The following IMMP2L variants were observed in gnomAD, a reference collection of about 807,000 sequenced individuals.
IMMP2L encodes the protein mitochondrial inner membrane protease subunit 2.
IMMP2L carries 18 observed loss-of-function variants against 19.3 expected under a neutral mutation model. That is an observed-to-expected ratio of 0.93 (90% CI 0.64 to 1.38). IMMP2L has a LOEUF of 1.38. Among genes scored for constraint, IMMP2L ranks in the 40% most tolerant of loss-of-function variants. The pLI is 0.00. For synonymous variants in IMMP2L, 76 were observed against 73.0 expected (o/e 1.04, Z -0.21); for missense variants, 233 against 218.2 (o/e 1.07, Z -0.43).
chr7:111,002,831 C>T (rs367866430), intron 3 of IMMP2L, among the ~76,000 whole-genome samples: 5 of 152,264 alleles, frequency 3.3e-5, no homozygotes, highest in African/African-American at 9.6e-5. Flanking sequence ...GGAATTACCA[C>T]ACTTGTAGTC....
At chr7:111,515,041 TA>T (rs1845766620) in intron 2 of IMMP2L, among the ~76,000 whole-genome samples, 1 of 152,130 alleles carries the variant, frequency 6.6e-6, no homozygotes, top group African/African-American at 2.4e-5. Flanking sequence ...CTAAAGCCTT[TA>T]AAGTCTAGTT....
intron 3 of IMMP2L, among the ~76,000 whole-genome samples, chr7:111,456,420 C>T (rs1373377435): frequency 1.3e-5 from 2 of 151,746 alleles, no homozygotes; most frequent in Non-Finnish European, 2.9e-5. Context: ...GCTTGTAAAA[C>T]TGCTGTTATT....
intron 3 of IMMP2L, among the ~76,000 whole-genome samples, chr7:111,302,786 T>C (rs1246768822): frequency 6.6e-6 from 1 of 152,020 alleles, no homozygotes; most frequent in African/African-American, 2.4e-5. Flanking sequence ...ATAGTTTAAG[T>C]TCCAAAGAAA....
chr7:111,410,065 G>T (rs563050722), intron 3 of IMMP2L, among the ~76,000 whole-genome samples: 2 of 151,926 alleles, frequency 1.3e-5, no homozygotes, highest in East Asian at 3.9e-4. Context: ...ATTGGCATAA[G>T]AATACTCATG....
chr7:111,439,087 G>A (rs1837468155), intron 3 of IMMP2L, among the ~76,000 whole-genome samples: 1 of 151,748 alleles, frequency 6.6e-6, no homozygotes, highest in African/African-American at 2.4e-5. Flanking sequence ...ACTACACCAG[G>A]GACATACTAC....
At chr7:111,031,110 A>G (rs2129568832) in intron 3 of IMMP2L, among the ~76,000 whole-genome samples, 1 of 151,846 alleles carries the variant, frequency 6.6e-6, no homozygotes, top group African/African-American at 2.4e-5. Flanking sequence ...GATACAGATA[A>G]TTACATATAG....
chr7:111,435,736 C>A (rs1245850134), intron 3 of IMMP2L, among the ~76,000 whole-genome samples: 1 of 151,766 alleles, frequency 6.6e-6, no homozygotes, highest in East Asian at 1.9e-4. Context: ...GGAAAAAAAA[C>A]TATGAGCTAC....
At chr7:111,406,064 G>A (rs1833878458) in intron 3 of IMMP2L, among the ~76,000 whole-genome samples, 1 of 151,974 alleles carries the variant, frequency 6.6e-6, no homozygotes, top group African/African-American at 2.4e-5. Flanking sequence ...CTTCAGTCCT[G>A]ACTCAGATAT....
intron 1 of IMMP2L, among the ~76,000 whole-genome samples, chr7:111,525,109 T>C (rs1359942964): frequency 6.6e-6 from 1 of 152,112 alleles, no homozygotes. Context: ...ATAAGAGTTG[T>C]AATAAGTGCT....
intron 1 of IMMP2L, among the ~76,000 whole-genome samples, chr7:111,525,851 C>T (rs1846787833): frequency 6.6e-6 from 1 of 151,894 alleles, no homozygotes; most frequent in Non-Finnish European, 1.5e-5. Flanking sequence ...TACAATATAC[C>T]AAGGAAGACT....
At chr7:111,447,065 C>A (rs1327491348) in intron 3 of IMMP2L, among the ~76,000 whole-genome samples, 1 of 142,188 alleles carries the variant, frequency 7.0e-6, no homozygotes, top group African/African-American at 2.7e-5. Flanking sequence ...TGTGAAAAGA[C>A]CAAATCTACG....
intron 5 of IMMP2L, among the ~76,000 whole-genome samples, chr7:110,782,847 G>T (rs1179448854): frequency 1.3e-5 from 2 of 151,796 alleles, no homozygotes; most frequent in Non-Finnish European, 2.9e-5. Flanking sequence ...TGTGTCCTTG[G>T]ACTAAGAATA....
intron 3 of IMMP2L, among the ~76,000 whole-genome samples, chr7:111,486,211 G>T (rs1420937131): frequency 6.6e-6 from 1 of 152,118 alleles, no homozygotes; most frequent in Admixed American, 6.5e-5. Context: ...TCACTAACGA[G>T]ATTTGGTTAA....
At chr7:110,704,576 T>C (rs1026586566) in intron 5 of IMMP2L, among the ~76,000 whole-genome samples, 1 of 152,214 alleles carries the variant, frequency 6.6e-6, no homozygotes, top group African/African-American at 2.4e-5. Flanking sequence ...GGTGACAATA[T>C]GGAACATTAG....
At chr7:111,254,317 G>T (rs1347168395) in intron 3 of IMMP2L, among the ~76,000 whole-genome samples, 3 of 151,972 alleles carry the variant, frequency 2.0e-5, no homozygotes, top group African/African-American at 7.2e-5. Context: ...AAAAACTCTG[G>T]AATGATCCTA....
chr7:111,499,602 C>T (rs1843951566), intron 2 of IMMP2L, among the ~76,000 whole-genome samples: 1 of 152,094 alleles, frequency 6.6e-6, no homozygotes, highest in Admixed American at 6.6e-5. Flanking sequence ...AGAAGATAAC[C>T]ATGGATTTTA....
chr7:111,110,263 A>G (rs1486087635), intron 3 of IMMP2L, among the ~76,000 whole-genome samples: 10 of 152,220 alleles, frequency 6.6e-5, no homozygotes, highest in Admixed American at 6.5e-4. Context: ...TCTTTTTCAA[A>G]TCTTTGTTTC....
At chr7:111,401,423 A>G (rs1833412340) in intron 3 of IMMP2L, among the ~76,000 whole-genome samples, 1 of 152,184 alleles carries the variant, frequency 6.6e-6, no homozygotes, top group African/African-American at 2.4e-5. Context: ...GGTTCTTTAA[A>G]GAAAAACAAA....
chr7:111,131,666 A>T, intron 3 of IMMP2L, among the ~76,000 whole-genome samples: 1 of 152,004 alleles, frequency 6.6e-6, no homozygotes, highest in East Asian at 1.9e-4. Context: ...AATATATATT[A>T]CATATAAATG....
Sources: allele counts gnomAD v4.1 joint callset (sites outside exome capture counted in the v4.1 genomes callset), GRCh38; gene constraint gnomAD v4.1.1; transcripts MANE v1.5; gene names NCBI Gene and HGNC (gene_info 2026-07-23, HGNC 2026-07-21).